EHF: variants seen among roughly 807,000 people sequenced by gnomAD.
EHF encodes the protein ETS homologous factor.
EHF carries 14 observed loss-of-function variants against 45.1 expected under a neutral mutation model. That is an observed-to-expected ratio of 0.31 (90% CI 0.21 to 0.49). The LOEUF (loss-of-function observed/expected upper bound fraction) is 0.49. Among genes scored for constraint, EHF ranks in the 20% least tolerant of loss-of-function variants. The probability of loss-of-function intolerance (pLI) is 0.99; values close to 1 mark genes in which losing one functional copy is unlikely to be tolerated. For missense variants in EHF, 282 were observed against 371.4 expected, an observed-to-expected ratio of 0.76 and a Z score of 1.98; for synonymous variants, 136 against 131.8, an observed-to-expected ratio of 1.03 and a Z score of -0.22.
chr11:34,646,198 G>A (rs1045367318), intron 2 of EHF, among the ~76,000 whole-genome samples: 1 of 152,068 alleles, frequency 6.6e-6, no homozygotes, highest in African/African-American at 2.4e-5. Context: ...ATTTTACTTT[G>A]GGGGAGGTGG....
intron 1 of EHF, chr11:34,642,100 C>A (rs906152049): frequency 6.5e-6 from 1 of 152,708 alleles, no homozygotes. Flanking sequence ...TGACTGAGGC[C>A]CTTTGATGAC....
rs1202046858 is a variant in EHF, at chr11:34,651,531, A to AT, written c.407-5dup. 2 of 1,611,426 alleles carry AT rather than the reference A, an allele frequency of 1.2e-6. No homozygotes were observed. Among genetic ancestry groups the AT allele is most frequent in the Middle Eastern group, 1.7e-4 (1 of 6,060 alleles). ...AGATCGCTGACTATTCTCCTTCTCTATTTTTTGTAGAGCCTTCCATCATGA... is the reference window on the plus strand; with the variant it reads ...AGATCGCTGACTATTCTCCTTCTCTATTTTTTTGTAGAGCCTTCCATCATGA... On this transcript the variant is annotated splice_polypyrimidine_tract_variant and intron_variant, in intron 4 of 8. Transcript: ENST00000257831.
At chr11:34,636,229 A>G (rs1289900594) in intron 1 of EHF, among the ~76,000 whole-genome samples, 1 of 152,248 alleles carries the variant, frequency 6.6e-6, no homozygotes, top group East Asian at 1.9e-4. Flanking sequence ...GTATCATTTC[A>G]TTGTTGTCTT....
intron 5 of EHF, 47 bp from the exon 6 acceptor site, chr11:34,651,689 TG>T (rs1565043280): frequency 6.2e-7 from 1 of 1,609,482 alleles, no homozygotes; most frequent in Non-Finnish European, 8.5e-7. Context: ...TATTGTGAGG[TG>T]GGGGGAGGGG....
rs1856032463 is a variant in EHF at position 34,660,772 on chromosome 11, A to G, written c.*1841A>G. ...GTATCCATAAGAAGGAGTGCTCTTC[A>G]TCAACTAATAGAGCACCTACCACAG... On this transcript the variant is annotated 3_prime_UTR_variant, in exon 9 of 9. Coordinates refer to ENST00000257831, the MANE Select transcript of EHF (RefSeq NM_012153.6). 6.6e-6 allele frequency: 1 copy of G among 152,178 alleles called. No individual in the cohort carries two copies. The highest frequency in any genetic ancestry group is 1.5e-5 in the Non-Finnish European group (1 of 68,014). The allele number at this position is 152,178 out of a possible 1,614,324, so 9.4% of individuals were successfully genotyped here.
In EHF at chr11:34,659,682, G is replaced by T. The variant is rs1396390234; in HGVS notation, c.*751G>T. 1.3e-5 allele frequency: 2 copies of T among 152,146 alleles called. No homozygotes were observed. Among genetic ancestry groups the T allele is most frequent in the Non-Finnish European group, 2.9e-5 (2 of 68,022 alleles). The allele number at this position is 152,146 out of a possible 1,614,324, so 9.4% of individuals were successfully genotyped here. A position where few individuals can be genotyped will look rare whatever the true frequency, so the allele number is the denominator to read the frequency against. The stretch of plus-strand genomic sequence containing the variant: ...TGTCTGCTCACTTCTAGCTATTTAA[G>T]AGAGAACCCAGCTTGGTTCTTTTTT... On this transcript the variant is annotated 3_prime_UTR_variant, in exon 9 of 9. Transcript: ENST00000257831.
At chr11:34,654,448 C>G (rs553974305) in intron 6 of EHF, among the ~76,000 whole-genome samples, 3 of 152,148 alleles carry the variant, frequency 2.0e-5, no homozygotes, top group African/African-American at 7.2e-5. Context: ...CACGGCTTAC[C>G]CCTGCACACT....
At chr11:34,642,094 T>G (rs1854055327) in intron 1 of EHF, 1 of 152,804 alleles carries the variant, frequency 6.5e-6, no homozygotes, top group Non-Finnish European at 1.5e-5. Context: ...AAAATATGAC[T>G]GAGGCCCTTT....
intron 2 of EHF, among the ~76,000 whole-genome samples, chr11:34,643,767 G>A (rs1272620083): frequency 1.3e-5 from 2 of 152,172 alleles, no homozygotes; most frequent in Non-Finnish European, 2.9e-5. Context: ...TACCCTGTGA[G>A]GACCCAGAAA....
rs892547784 is a variant in EHF, at chr11:34,646,818, CAG to C, written c.343+138_343+139del. On this transcript the variant is annotated intron_variant, in intron 3 of 8. Transcript: ENST00000257831. ...ACCTCCAAATTACCATGTCCCAAGACAGAGAAATGGAAGGAAGATGAAAGGAC... is the reference window on the plus strand; with the variant it reads ...ACCTCCAAATTACCATGTCCCAAGACAGAAATGGAAGGAAGATGAAAGGAC... 6.8e-6 allele frequency: 8 copies of C among 1,177,428 alleles called. No homozygotes were observed. The African/African-American group carries it at 9.1e-5, about 13-fold the overall frequency. 72.9% of individuals were successfully genotyped at this position (1,177,428 alleles called of 1,614,324 possible).
At chr11:34,657,013 A>C in intron 7 of EHF, 43 bp downstream of exon 7, 1 of 1,607,926 alleles carries the variant, frequency 6.2e-7, no homozygotes, top group Non-Finnish European at 8.5e-7. Flanking sequence ...CCTTCCCATC[A>C]CATCGGGCAC....
intron 3 of EHF, among the ~76,000 whole-genome samples, chr11:34,647,898 C>T (rs1198290144): frequency 1.3e-5 from 2 of 152,214 alleles, no homozygotes; most frequent in African/African-American, 2.4e-5. Context: ...AAAGATCAGA[C>T]TTACACTTGA....
intron 1 of EHF, among the ~76,000 whole-genome samples, chr11:34,635,450 C>CTTTTTTTTTTTTTT (rs56121359): frequency 8.8e-6 from 1 of 113,248 alleles, no homozygotes; most frequent in African/African-American, 3.2e-5. Flanking sequence ...AAACCTTATT[C>CTTTTTTTTTTTTTT]TTTTTTTTTT....
intron 1 of EHF, among the ~76,000 whole-genome samples, chr11:34,639,955 G>A (rs1287454622): frequency 1.3e-5 from 2 of 152,190 alleles, no homozygotes; most frequent in African/African-American, 4.8e-5. Context: ...CCTGAGGAGA[G>A]GGGCTTGTGG....
At chr11:34,644,885 T>A (rs559795536) in intron 2 of EHF, among the ~76,000 whole-genome samples, 2 of 152,360 alleles carry the variant, frequency 1.3e-5, no homozygotes, top group Admixed American at 1.3e-4. Context: ...CAGTATTCCC[T>A]GGTGATTCAC....
intron 2 of EHF, among the ~76,000 whole-genome samples, chr11:34,643,964 C>T (rs1032144781): frequency 6.6e-6 from 1 of 152,130 alleles, no homozygotes; most frequent in African/African-American, 2.4e-5. Context: ...TTGATTGAGA[C>T]TGAAGAGGAA....
At position 34,646,733 on chromosome 11, in the gene EHF, G is replaced by A. The variant is rs749594036; in HGVS notation, c.343+49G>A. The A allele has an allele frequency of 3.8e-6, 6 of 1,596,532 alleles. No individual in the cohort carries two copies. The South Asian group carries it at 6.6e-5, about 18-fold the overall frequency. Reference sequence around the variant, plus strand: ...TCCCTACCCTGCTAGGAGCCAGCTGGAAGAATAGAGATTCTGCAGATGACA... The same window carrying A: ...TCCCTACCCTGCTAGGAGCCAGCTGAAAGAATAGAGATTCTGCAGATGACA... On this transcript the variant is annotated intron_variant, in intron 3 of 8. Transcript: ENST00000257831.
At chr11:34,640,595 G>A (rs975415316) in intron 1 of EHF, among the ~76,000 whole-genome samples, 57 of 152,288 alleles carry the variant, frequency 3.7e-4, no homozygotes, top group African/African-American at 1.2e-3. Context: ...ATTTTCTTTC[G>A]TCTTGAAGTT....
chr11:34,631,907 A>G (rs1483297871), intron 1 of EHF, among the ~76,000 whole-genome samples: 1 of 152,174 alleles, frequency 6.6e-6, no homozygotes, highest in Non-Finnish European at 1.5e-5. Context: ...AATCTGATTC[A>G]TGATCTGAAC....
Sources: gnomAD v4.1 joint callset for allele counts (sites outside exome capture counted in the v4.1 genomes callset) on GRCh38, gnomAD v4.1.1 for gene constraint, MANE v1.5 for transcripts, NCBI Gene and HGNC (gene_info 2026-07-23, HGNC 2026-07-21) for gene names.